ECM2: variants seen among roughly 807,000 people sequenced by gnomAD.
ECM2 encodes extracellular matrix protein 2, female organ and adipocyte specific.
Under a neutral mutation model 67.5 loss-of-function variants are expected in ECM2, and 57 were observed. The ratio of observed to expected loss-of-function variants is 0.84; its 90% CI spans 0.68 to 1.05. ECM2 has a LOEUF of 1.05. ECM2 is among the 50% of genes least tolerant of loss of function. The pLI is 0.00. For missense variants in ECM2, 741 were observed against 822.8 expected (o/e 0.90, Z 1.22); for synonymous variants, 258 against 294.5 (o/e 0.88, Z 1.27).
At chr9:92,497,740 TG>T (rs993085172) in intron 9 of ECM2, among the ~76,000 whole-genome samples, 2 of 151,550 alleles carry the variant, frequency 1.3e-5, no homozygotes, top group African/African-American at 4.8e-5. Context: ...TGATCCCCAG[TG>T]TTGGAGGTGG....
In ECM2 at chr9:92,495,378, A is replaced by C. The variant is rs774708115; in HGVS notation, c.*937T>G. Reference sequence around the variant, plus strand: ...CAATACATAGTAAAGACATAGCTTTATTTCAATTGAACCGAATAAAATGAT... The same window carrying C: ...CAATACATAGTAAAGACATAGCTTTCTTTCAATTGAACCGAATAAAATGAT... On this transcript the variant is annotated 3_prime_UTR_variant, in exon 10 of 10. Transcript: ENST00000344604. 24 of 981,090 alleles carry C rather than the reference A, an allele frequency of 2.4e-5. No individual in the cohort carries two copies. The highest frequency in any genetic ancestry group is 2.8e-5 in the Non-Finnish European group (23 of 826,072). 60.8% of individuals were successfully genotyped at this position (981,090 alleles called of 1,614,324 possible).
chr9:92,529,511 T>C (rs1848618139), intron 1 of ECM2, among the ~76,000 whole-genome samples: 1 of 152,148 alleles, frequency 6.6e-6, no homozygotes. Flanking sequence ...CACGCAGATA[T>C]GTATAGGAGC....
chr9:92,494,767 A>C (rs1846273082), downstream of ECM2, among the ~76,000 whole-genome samples: 1 of 152,076 alleles, frequency 6.6e-6, no homozygotes, highest in Non-Finnish European at 1.5e-5. Context: ...ATTAGCGGGG[A>C]GTGGTGACGC....
rs894682254 is a variant in ECM2 at position 92,512,131 on chromosome 9, G to A, written c.1055-5C>T. The A allele has an allele frequency of 1.7e-5, 27 of 1,605,582 alleles. No homozygotes were observed. Among genetic ancestry groups the A allele is most frequent in the Non-Finnish European group, 2.0e-5 (24 of 1,172,728 alleles). On this transcript the variant is annotated splice_region_variant and splice_polypyrimidine_tract_variant and intron_variant, in intron 4 of 9. Coordinates refer to ENST00000344604, the MANE Select transcript of ECM2 (RefSeq NM_001393.4). Reference sequence around the variant, plus strand: ...GGATGGAGGCGATGGAATTGCCTAGGACACACAGCGGTTATGTTTTAGGCA... The same window carrying A: ...GGATGGAGGCGATGGAATTGCCTAGAACACACAGCGGTTATGTTTTAGGCA...
chr9:92,551,825 A>G, the ECM2 span, among the ~76,000 whole-genome samples: 1 of 150,946 alleles, frequency 6.6e-6, no homozygotes, highest in Admixed American at 6.6e-5. Flanking sequence ...CTCCAATCTC[A>G]TCCAGGTCAT....
intron 7 of ECM2, 108 bp from the exon 8 acceptor site, chr9:92,502,760 A>C: frequency 1.0e-6 from 1 of 977,936 alleles, no homozygotes; most frequent in East Asian, 2.8e-5. Flanking sequence ...TATTATCTAA[A>C]GAGTCTTACT....
downstream of ECM2, among the ~76,000 whole-genome samples, chr9:92,494,462 A>G (rs2131128645): frequency 6.6e-6 from 1 of 152,294 alleles, no homozygotes; most frequent in East Asian, 1.9e-4. Context: ...ATGAAGCTCA[A>G]CTTTTGTTCC....
the ECM2 span, among the ~76,000 whole-genome samples, chr9:92,546,366 G>A: frequency 2.0e-5 from 3 of 152,062 alleles, no homozygotes; most frequent in Admixed American, 6.5e-5. Context: ...TTGTTCTTTT[G>A]CTCTTTGCAA....
chr9:92,511,248 C>T (rs921279270), intron 5 of ECM2, among the ~76,000 whole-genome samples: 6 of 152,086 alleles, frequency 3.9e-5, no homozygotes, highest in African/African-American at 1.4e-4. Flanking sequence ...GCCTCAGCCT[C>T]CCGAGTAGCT....
chr9:92,504,622 A>G (rs1846885601), intron 7 of ECM2, among the ~76,000 whole-genome samples: 1 of 152,078 alleles, frequency 6.6e-6, no homozygotes, highest in Non-Finnish European at 1.5e-5. Context: ...TGCAGCCTCA[A>G]ACTCCTGGGC....
chr9:92,535,654 T>G (rs1849123984), intron 1 of ECM2, among the ~76,000 whole-genome samples: 1 of 151,440 alleles, frequency 6.6e-6, no homozygotes, highest in Non-Finnish European at 1.5e-5. Context: ...CTTTTAGGAC[T>G]TAAAAATTAA....
At chr9:92,554,209 G>A in the ECM2 span, among the ~76,000 whole-genome samples, 1 of 150,658 alleles carries the variant, frequency 6.6e-6, no homozygotes, top group Non-Finnish European at 1.5e-5. Context: ...TTGAGACGGA[G>A]TTTCGCTCTT....
At chr9:92,546,430 CA>C in the ECM2 span, among the ~76,000 whole-genome samples, 1 of 152,200 alleles carries the variant, frequency 6.6e-6, no homozygotes, top group South Asian at 2.1e-4. Flanking sequence ...TGAGCTGTAA[CA>C]CTCATGGGGG....
At chr9:92,521,488 G>T (rs542252079) in intron 2 of ECM2, among the ~76,000 whole-genome samples, 15 of 152,086 alleles carry the variant, frequency 9.9e-5, no homozygotes, top group Non-Finnish European at 2.1e-4. Context: ...TAAATACATG[G>T]AAATAATTAA....
chr9:92,545,096 G>A, the ECM2 span, among the ~76,000 whole-genome samples: 1 of 152,166 alleles, frequency 6.6e-6, no homozygotes, highest in African/African-American at 2.4e-5. Flanking sequence ...AGCCCTCGCA[G>A]CCCTCGCTCG....
intron 2 of ECM2, among the ~76,000 whole-genome samples, chr9:92,518,841 A>G (rs1264865179): frequency 6.6e-6 from 1 of 152,198 alleles, no homozygotes; most frequent in East Asian, 1.9e-4. Flanking sequence ...GTGAGCCAAG[A>G]TCGTTCCACT....
chr9:92,526,714 A>T (rs563364386), intron 1 of ECM2, among the ~76,000 whole-genome samples: 19 of 152,134 alleles, frequency 1.2e-4, no homozygotes, highest in East Asian at 5.8e-4. Flanking sequence ...AAAATTTTTT[A>T]AAAAATAAAA....
At chr9:92,494,065 A>G (rs1282498349), downstream of ECM2, 4 of 1,596,514 alleles carry the variant, frequency 2.5e-6, no homozygotes, top group Admixed American at 6.7e-5. Flanking sequence ...TGTCTGTTTG[A>G]TTTCCTGCTT....
At chr9:92,540,166 C>T (rs1329251534), upstream of ECM2, among the ~76,000 whole-genome samples, 4 of 152,198 alleles carry the variant, frequency 2.6e-5, no homozygotes, top group African/African-American at 7.2e-5. Flanking sequence ...CAGCCGGGCG[C>T]GGTGCCTCAT....
Sources: allele counts gnomAD v4.1 joint callset (sites outside exome capture counted in the v4.1 genomes callset), GRCh38; gene constraint gnomAD v4.1.1; transcripts MANE v1.5; gene names NCBI Gene and HGNC (gene_info 2026-07-23, HGNC 2026-07-21).